MORN1: variants seen among roughly 807,000 people sequenced by gnomAD.
The protein encoded by MORN1 is MORN repeat-containing protein 1.
In MORN1, 67 loss-of-function variants were observed where a neutral mutation model predicts 61.9. That is an observed-to-expected ratio of 1.08 (90% confidence interval 0.89 to 1.33). The LOEUF (loss-of-function observed/expected upper bound fraction) is 1.33. Ranked by LOEUF, MORN1 falls within the 40% of genes most tolerant of loss-of-function variation. MORN1 has a pLI of 0.00. For missense variants in MORN1, 752 were observed against 691.2 expected, an observed-to-expected ratio of 1.09 and a Z score of -0.99; for synonymous variants, 301 against 292.0, an observed-to-expected ratio of 1.03 and a Z score of -0.31.
At chr1:2,366,607 T>C (rs1233886250) in intron 8 of MORN1, among the ~76,000 whole-genome samples, 1 of 152,208 alleles carries the variant, frequency 6.6e-6, no homozygotes, top group Non-Finnish European at 1.5e-5. Context: ...CACTGCAACC[T>C]CCGCCTCCCA....
chr1:2,340,877 G>T (rs1477904371), intron 10 of MORN1, among the ~76,000 whole-genome samples: 1 of 152,144 alleles, frequency 6.6e-6, no homozygotes, highest in Non-Finnish European at 1.5e-5. Flanking sequence ...GCCACGACCT[G>T]TGGCCGCCAC....
intron 10 of MORN1, chr1:2,355,572 A>T: frequency 7.8e-7 from 1 of 1,280,724 alleles, no homozygotes; most frequent in South Asian, 1.3e-5. Flanking sequence ...CTGGTGGCGG[A>T]GGCTCTTCCC....
intron 8 of MORN1, among the ~76,000 whole-genome samples, chr1:2,367,904 C>G (rs891472592): frequency 6.6e-6 from 1 of 152,206 alleles, no homozygotes; most frequent in Non-Finnish European, 1.5e-5. Flanking sequence ...GCTGGGATTA[C>G]AGGCGTGAGC....
intron 12 of MORN1, among the ~76,000 whole-genome samples, chr1:2,330,138 C>T (rs1228368136): frequency 6.6e-6 from 1 of 152,238 alleles, no homozygotes; most frequent in African/African-American, 2.4e-5. Context: ...GCCTCCCCAC[C>T]TGGGCTGCGA....
chr1:2,390,133 G>T, intron 1 of MORN1, 137 bp from the exon 2 acceptor site: 1 of 753,772 alleles, frequency 1.3e-6, no homozygotes, highest in Non-Finnish European at 2.2e-6. Flanking sequence ...GACCAGAGGC[G>T]ACCTGTGGGG....
chr1:2,351,988 C>T (rs536091906), intron 10 of MORN1: 9 of 517,360 alleles, frequency 1.7e-5, no homozygotes, highest in African/African-American at 9.8e-5. Flanking sequence ...ATGCCCCCTC[C>T]AGGAATGAGA....
rs759190536 is a variant in MORN1 at position 2,372,610 on chromosome 1, T to G, written c.635-19A>C. On this transcript the variant is annotated intron_variant, in intron 7 of 13. Coordinates refer to ENST00000378531, the MANE Select transcript of MORN1 (RefSeq NM_024848.3). This position sits in a 1 kb window ranked among gnomAD's most constrained non-coding sequence, Gnocchi z 5.4. ...GCTTGTTCTGGGAGAGGACAGAGTG[T>G]GGCTTTAGCGGTGACTGGCATGGTC... The G allele has an allele frequency of 3.7e-5, 59 of 1,601,026 alleles. No homozygotes were observed. In the South Asian group the frequency reaches 5.9e-4, roughly 16 times the overall value.
At position 2,379,305 on chromosome 1, in the gene MORN1, C is replaced by A. The variant is rs1011366440; in HGVS notation, c.538-4748G>T. 2.6e-5 allele frequency: 10 copies of A among 379,944 alleles called. No individual in the cohort carries two copies. The Admixed American group carries it at 3.4e-4, about 13-fold the overall frequency. The allele number at this position is 379,944 out of a possible 1,614,324, so 23.5% of individuals were successfully genotyped here. A position where few individuals can be genotyped will look rare whatever the true frequency, so the allele number is the denominator to read the frequency against. ...AGGAGAGAGAGAAGAAAGGACTTAC[C>A]ACTTTCTAGTCTTTTCAGAACATAA... On this transcript the variant is annotated intron_variant, in intron 6 of 13. Transcript: ENST00000378531.
chr1:2,336,259 A>G (rs1641273395), intron 12 of MORN1, among the ~76,000 whole-genome samples: 1 of 152,088 alleles, frequency 6.6e-6, no homozygotes, highest in Non-Finnish European at 1.5e-5. Context: ...CACCCACTTC[A>G]TGCCAGCCCA....
At chr1:2,380,987 T>C (rs1444542224) in intron 6 of MORN1, among the ~76,000 whole-genome samples, 1 of 152,174 alleles carries the variant, frequency 6.6e-6, no homozygotes, top group Non-Finnish European at 1.5e-5. Context: ...CCTCTCCGGG[T>C]CGATGCCGTT....
At chr1:2,367,516 C>A (rs1010437868) in intron 8 of MORN1, among the ~76,000 whole-genome samples, 2 of 151,610 alleles carry the variant, frequency 1.3e-5, no homozygotes. Flanking sequence ...CTCTTTTTAA[C>A]AAATGATCTT....
chr1:2,324,481 G>A (rs1226810856), intron 12 of MORN1, among the ~76,000 whole-genome samples: 2 of 152,222 alleles, frequency 1.3e-5, no homozygotes, highest in Non-Finnish European at 2.9e-5. Flanking sequence ...CAACTGAGAA[G>A]ATCCCGGAGG....
Position 2,357,785 on chromosome 1 carries a change from G to A in MORN1, c.870-187C>T, listed in dbSNP as rs1270558298. Among the ~76,000 whole-genome samples, 1 of 152,140 alleles carries A rather than the reference G, an allele frequency of 6.6e-6. No homozygotes were observed. The highest frequency in any genetic ancestry group is 6.5e-5 in the Admixed American group (1 of 15,286). ...TGAGGCCCAGAGAGAAAAAAGACTC[G>A]CCAGGGAGAAGACAGCAGGTCTTGG... On this transcript the variant is annotated intron_variant, in intron 9 of 13. Coordinates refer to ENST00000378531, the MANE Select transcript of MORN1 (RefSeq NM_024848.3). This position sits in a 1 kb window ranked among gnomAD's most constrained non-coding sequence, Gnocchi z 6.3.
intron 1 of MORN1, among the ~76,000 whole-genome samples, 181 bp from the exon 2 acceptor site, chr1:2,390,177 C>G (rs532914254): frequency 5.3e-5 from 8 of 152,270 alleles, no homozygotes; most frequent in African/African-American, 1.9e-4. Context: ...TTGGGCCATT[C>G]ATTTGCTCAT....
intron 10 of MORN1, among the ~76,000 whole-genome samples, chr1:2,340,179 G>A (rs1557872545): frequency 6.6e-6 from 1 of 152,006 alleles, no homozygotes; most frequent in Non-Finnish European, 1.5e-5. Context: ...TGTCCCTGGG[G>A]TAGGCTTGCC....
At chr1:2,364,498 C>T (rs190348577) in intron 8 of MORN1, among the ~76,000 whole-genome samples, 1 of 132,898 alleles carries the variant, frequency 7.5e-6, no homozygotes, top group Non-Finnish European at 1.6e-5. Context: ...AATTTTCTCC[C>T]ATTTTGTGGG....
At chr1:2,328,781 C>A (rs1156440940) in intron 12 of MORN1, among the ~76,000 whole-genome samples, 2 of 152,240 alleles carry the variant, frequency 1.3e-5, no homozygotes, top group Non-Finnish European at 2.9e-5. Flanking sequence ...AGCCCCAGCT[C>A]CTCTCCCGGG....
At chr1:2,382,341 C>T (rs545021799) in intron 6 of MORN1, among the ~76,000 whole-genome samples, 1 of 152,286 alleles carries the variant, frequency 6.6e-6, no homozygotes, top group South Asian at 2.1e-4. Context: ...AGCCTGCCAT[C>T]CTAGCACCTC....
In MORN1 at chr1:2,349,751, T is replaced by G. The variant is rs544679844; in HGVS notation, c.1036+7681A>C. On this transcript the variant is annotated intron_variant, in intron 10 of 13. Coordinates refer to ENST00000378531, the MANE Select transcript of MORN1 (RefSeq NM_024848.3). ...ATTGAATTAGTGGCAGAGGGCAACT[T>G]GATTTTTCAAATCATCTTACAATCA... 4.6e-5 allele frequency among the ~76,000 whole-genome samples: 7 copies of G among 152,304 alleles called. No individual in the cohort carries two copies. The South Asian group carries it at 1.4e-3, about 32-fold the overall frequency.
Sources: gnomAD v4.1 joint callset for allele counts (sites outside exome capture counted in the v4.1 genomes callset) on GRCh38, gnomAD v4.1.1 for gene constraint, Gnocchi (gnomAD v3.1) non-coding constraint, MANE v1.5 for transcripts, NCBI Gene and HGNC (gene_info 2026-07-23, HGNC 2026-07-21) for gene names.